The following CDCA7 variants were observed in gnomAD, a reference collection of about 807,000 sequenced individuals.
The protein encoded by CDCA7 is cell division cycle associated 7.
CDCA7 carries 28 observed loss-of-function variants against 54.0 expected under a neutral mutation model. The observed-to-expected ratio is 0.52, with a 90% confidence interval of 0.38 to 0.71. The LOEUF (loss-of-function observed/expected upper bound fraction) is 0.71, where lower values mean the gene tolerates loss of function less well. CDCA7 is among the 30% of genes least tolerant of loss of function. CDCA7 has a pLI of 0.00. For synonymous variants in CDCA7, 180 were observed against 208.2 expected (o/e 0.86, Z 1.16); for missense variants, 484 against 586.0 (o/e 0.83, Z 1.80).
chr2:173,363,811 T>G lies in CDCA7; in HGVS notation c.622-7T>G, dbSNP rs778905008. ...AATGATATCAGTTTAATTTCCTCCC[T>G]TTTTAGCTTGCAAAACTCATGTCTG... On this transcript the variant is annotated splice_region_variant and splice_polypyrimidine_tract_variant and intron_variant, in intron 4 of 9. Coordinates refer to ENST00000306721, the MANE Select transcript of CDCA7 (RefSeq NM_031942.5). The G allele has an allele frequency of 1.1e-5, 18 of 1,613,400 alleles. No individual in the cohort carries two copies. In the Admixed American group the frequency reaches 1.7e-4, roughly 15 times the overall value.
intron 5 of CDCA7, chr2:173,364,221 T>C (rs920094062): frequency 1.8e-5 from 4 of 222,754 alleles, no homozygotes; most frequent in Non-Finnish European, 3.5e-5. Flanking sequence ...TCCTACATGG[T>C]AGATGTGCAA....
At position 173,354,875 on chromosome 2, in the gene CDCA7, G is replaced by A. The variant is rs922018441; in HGVS notation, c.-89G>A. On this transcript the variant is annotated 5_prime_UTR_variant, in exon 1 of 10. Coordinates refer to ENST00000306721, the MANE Select transcript of CDCA7 (RefSeq NM_031942.5). ...GCGCGCCCAGCCTGCCAGCCGCGCT[G>A]CTGCTGCTCCTCCTGCTGTGGGACC... is the stretch of plus-strand genomic sequence containing the variant. The A allele has an allele frequency of 6.4e-6, 9 of 1,395,730 alleles. No individual in the cohort carries two copies. The African/African-American group carries it at 7.6e-5, about 12-fold the overall frequency. The allele number at this position is 1,395,730 out of a possible 1,614,324, so 86.5% of individuals were successfully genotyped here. A position where few individuals can be genotyped will look rare whatever the true frequency, so the allele number is the denominator to read the frequency against.
In CDCA7 at chr2:173,368,608, A is replaced by G. The variant is rs1219916959; in HGVS notation, c.*944A>G. ...TTTAAGCACTTTTATAACAATGATA[A>G]GTGCCTTTTTGGAGATGTAACTTTT... On this transcript the variant is annotated 3_prime_UTR_variant, in exon 10 of 10. Transcript: ENST00000306721. 1 of 152,210 alleles carries G rather than the reference A, an allele frequency of 6.6e-6. No individual in the cohort carries two copies. Among genetic ancestry groups the G allele is most frequent in the African/African-American group, 2.4e-5 (1 of 41,444 alleles). 9.4% of individuals were successfully genotyped at this position (152,210 alleles called of 1,614,324 possible). A position where few individuals can be genotyped will look rare whatever the true frequency, so the allele number is the denominator to read the frequency against.
chr2:173,365,989 T>A (rs1686712386), intron 7 of CDCA7, among the ~76,000 whole-genome samples: 1 of 152,222 alleles, frequency 6.6e-6, no homozygotes, highest in Non-Finnish European at 1.5e-5. Flanking sequence ...CACACCAGGC[T>A]AATTTTTATA....
intron 1 of CDCA7, among the ~76,000 whole-genome samples, chr2:173,357,855 A>C (rs1686538991): frequency 6.6e-6 from 1 of 152,142 alleles, no homozygotes; most frequent in Non-Finnish European, 1.5e-5. Flanking sequence ...TGTTTGAATA[A>C]ATTGATAAAT....
rs1686753113 is a variant in CDCA7, at chr2:173,367,873, C to G, written c.*209C>G. 3 of 602,532 alleles carry G rather than the reference C, an allele frequency of 5.0e-6. No homozygotes were observed. The highest frequency in any genetic ancestry group is 8.8e-6 in the Non-Finnish European group (3 of 339,216). The allele number at this position is 602,532 out of a possible 1,614,324, so 37.3% of individuals were successfully genotyped here. A position where few individuals can be genotyped will look rare whatever the true frequency, so the allele number is the denominator to read the frequency against. ...ACTTTGCCCTCCTGCAGTTTCTTCTCTGCTCCCAACCCCCATCTCACAGCA... is the reference window on the plus strand; with the variant it reads ...ACTTTGCCCTCCTGCAGTTTCTTCTGTGCTCCCAACCCCCATCTCACAGCA... On this transcript the variant is annotated 3_prime_UTR_variant, in exon 10 of 10. Transcript: ENST00000306721.
chr2:173,359,747 C>A (rs1053338760), intron 3 of CDCA7, among the ~76,000 whole-genome samples: 1 of 152,172 alleles, frequency 6.6e-6, no homozygotes, highest in Non-Finnish European at 1.5e-5. Context: ...TCCAGATTTT[C>A]GTTTCCACAA....
chr2:173,367,307 C>G (rs1483733288), intron 9 of CDCA7, 21 bp downstream of exon 9: 1 of 1,612,702 alleles, frequency 6.2e-7, no homozygotes, highest in Admixed American at 1.7e-5. Context: ...TTTTTTTTTC[C>G]CTTCCACATC....
rs773216255 is a variant in CDCA7, at chr2:173,363,857, T to C, written c.661T>C (p.Ser221Pro). 9 of 1,614,136 alleles carry C rather than the reference T, an allele frequency of 5.6e-6. No individual in the cohort carries two copies. In the Admixed American group the frequency reaches 1.5e-4, roughly 27 times the overall value. The change falls in exon 5 of 10, where the codon TCG (serine) becomes CCG (proline). Residue 221 changes from serine to proline, a missense_variant. Ser to Pro is a moderately conservative substitution (Grantham distance 74). Around this residue, in one of 3 missense-constraint regions of CDCA7, gnomAD observed 398 missense variants for 447.4 expected, o/e 0.89. Coordinates refer to ENST00000306721, the MANE Select transcript of CDCA7 (RefSeq NM_031942.5). The part of the protein sequence containing the change: ...LMSELESFPG[S>P]FRGRHPLPGS... Reference sequence around the variant, plus strand: ...GTCTGAATTAGAAAGCTTCCCTGGCTCGTTCCGTGGAAGACATCCCCTCCC... The same window carrying C: ...GTCTGAATTAGAAAGCTTCCCTGGCCCGTTCCGTGGAAGACATCCCCTCCC...
At chr2:173,358,235 A>C (rs1027474240) in intron 1 of CDCA7, among the ~76,000 whole-genome samples, 2 of 151,960 alleles carry the variant, frequency 1.3e-5, no homozygotes, top group African/African-American at 4.8e-5. Context: ...CCTGGTTTTA[A>C]AGATTTTTGG....
chr2:173,362,982 G>T (rs1473765144), intron 3 of CDCA7, among the ~76,000 whole-genome samples: 1 of 152,062 alleles, frequency 6.6e-6, no homozygotes, highest in South Asian at 2.1e-4. Flanking sequence ...TTAAAAAAAG[G>T]CTCAGAACCA....
rs1318167672 is a variant in CDCA7 at position 173,365,138 on chromosome 2, T to C, written c.894+149T>C. Reference sequence around the variant, plus strand: ...ACCATTCAGAACTGTAAACGTCACATAAGCTTACTTGGTAATTTTATTAGC... The same window carrying C: ...ACCATTCAGAACTGTAAACGTCACACAAGCTTACTTGGTAATTTTATTAGC... On this transcript the variant is annotated intron_variant, in intron 6 of 9. Transcript: ENST00000306721. 2.3e-6 allele frequency: 3 copies of C among 1,309,308 alleles called. No individual in the cohort carries two copies. The African/African-American group carries it at 4.5e-5, about 20-fold the overall frequency. The allele number at this position is 1,309,308 out of a possible 1,614,324, so 81.1% of individuals were successfully genotyped here.
chr2:173,358,225 C>T (rs2106387953), intron 1 of CDCA7, among the ~76,000 whole-genome samples: 1 of 150,044 alleles, frequency 6.7e-6, no homozygotes, highest in East Asian at 2.0e-4. Context: ...AAGAATTTGA[C>T]CTGGTTTTAA....
At chr2:173,365,040 C>T (rs935349664) in intron 6 of CDCA7, 51 bp downstream of exon 6, 9 of 1,512,074 alleles carry the variant, frequency 6.0e-6, no homozygotes, top group Non-Finnish European at 7.0e-6. Flanking sequence ...CTTCGGTAGG[C>T]CTGGCATCAT....
rs758473091 is a variant in CDCA7 at position 173,366,830 on chromosome 2, G to A, written c.1186-320G>A. Among the ~76,000 whole-genome samples, 6 of 152,208 alleles carry A rather than the reference G, an allele frequency of 3.9e-5. No individual in the cohort carries two copies. The highest frequency in any genetic ancestry group is 5.9e-5 in the Non-Finnish European group (4 of 68,042). On this transcript the variant is annotated intron_variant, in intron 8 of 9. Coordinates refer to ENST00000306721, the MANE Select transcript of CDCA7 (RefSeq NM_031942.5). This position sits in a 1 kb window ranked among gnomAD's most constrained non-coding sequence, Gnocchi z 4.5. ...TGAAGTGCTGGGATTACAGGTGTGA[G>A]CCACCACGCCCGGCCCAGGGTGCTC...
chr2:173,367,473 G>C (rs1249218600), intron 9 of CDCA7, among the ~76,000 whole-genome samples, 161 bp from the exon 10 acceptor site: 2 of 152,168 alleles, frequency 1.3e-5, no homozygotes, highest in Non-Finnish European at 1.5e-5. Context: ...GGGTGGGTGG[G>C]TGTGTATGAA....
chr2:173,364,550 A>C, intron 5 of CDCA7: 1 of 370,220 alleles, frequency 2.7e-6, no homozygotes, highest in South Asian at 5.6e-5. Flanking sequence ...ATCTTCATTA[A>C]GTAAAAGAAT....
Position 173,365,515 on chromosome 2 carries a change from C to G in CDCA7, c.958C>G (p.Pro320Ala), listed in dbSNP as rs1470538814. Residue 320 changes from proline (P) to alanine (A), a missense_variant, in exon 7 of 10, where the codon CCA (proline) becomes GCA (alanine). Physicochemically the swap from Pro to Ala is conservative, Grantham distance 27. Coordinates refer to ENST00000306721, the MANE Select transcript of CDCA7 (RefSeq NM_031942.5). Reference protein sequence around the residue: ...SSVTLPHIIRPVEEITEEELE... With the variant: ...SSVTLPHIIRAVEEITEEELE... ...CGTGACCCTTCCGCATATAATTCGCCCAGTGGAAGAAATTACAGAGGAGGA... is the reference window on the plus strand; with the variant it reads ...CGTGACCCTTCCGCATATAATTCGCGCAGTGGAAGAAATTACAGAGGAGGA... 9.3e-6 allele frequency: 15 copies of G among 1,614,004 alleles called. No homozygotes were observed. In the Admixed American group the frequency reaches 1.2e-4, roughly 13 times the overall value.
rs553466015 is a variant in CDCA7, at chr2:173,355,461, G to C, written c.21+477G>C. 2.0e-5 allele frequency among the ~76,000 whole-genome samples: 3 copies of C among 152,340 alleles called. No individual in the cohort carries two copies. In the East Asian group the frequency reaches 5.8e-4, roughly 29 times the overall value. On this transcript the variant is annotated intron_variant, in intron 1 of 9. Coordinates refer to ENST00000306721, the MANE Select transcript of CDCA7 (RefSeq NM_031942.5). ...TGGCCCTTGGGCGCGCACCCCGCCC[G>C]GCAAGAGACGCGTCCGCTTCTAACC...
Sources: allele counts gnomAD v4.1 joint callset (sites outside exome capture counted in the v4.1 genomes callset), GRCh38; gene constraint gnomAD v4.1.1; regional missense constraint gnomAD v4.1.1; non-coding constraint Gnocchi (gnomAD v3.1); transcripts MANE v1.5; gene names NCBI Gene and HGNC (gene_info 2026-07-23, HGNC 2026-07-21).